The following WDR43 variants were observed in gnomAD, a reference collection of about 807,000 sequenced individuals.
The protein encoded by WDR43 is WD repeat domain 43.
A neutral mutation model predicts 91.4 loss-of-function variants in WDR43; 13 were observed. That is an observed-to-expected ratio of 0.14 (90% CI 0.09 to 0.23). The LOEUF (loss-of-function observed/expected upper bound fraction) is 0.23. Ranked by LOEUF, WDR43 falls within the 10% of genes least tolerant of loss-of-function variation. The probability of loss-of-function intolerance (pLI) is 1.00; values close to 1 mark genes in which losing one functional copy is unlikely to be tolerated. For synonymous variants in WDR43, 331 were observed against 287.9 expected (o/e 1.15, Z -1.51); for missense variants, 780 against 809.4 (o/e 0.96, Z 0.44).
intron 3 of WDR43, among the ~76,000 whole-genome samples, chr2:28,909,821 C>G (rs934582503): frequency 1.3e-5 from 2 of 152,210 alleles, no homozygotes; most frequent in African/African-American, 4.8e-5. Context: ...CTGCAGCAAG[C>G]TGTTACCTTG....
chr2:28,922,797 G>GT (rs70958224), intron 6 of WDR43, 122 bp from the exon 7 acceptor site: 5,514 of 232,970 alleles, frequency 0.024, 100 homozygotes, highest in East Asian at 0.08. Flanking sequence ...TTCTTGCTGT[G>GT]TTTTTTTTTT....
intron 2 of WDR43, among the ~76,000 whole-genome samples, chr2:28,902,892 GTT>G (rs1670602065): frequency 6.6e-6 from 1 of 152,108 alleles, no homozygotes; most frequent in African/African-American, 2.4e-5. Context: ...ATTGCAGTGT[GTT>G]TTTGTTCGCT....
chr2:28,939,836 G>A (rs904692217), intron 14 of WDR43, among the ~76,000 whole-genome samples: 2 of 152,122 alleles, frequency 1.3e-5, no homozygotes, highest in African/African-American at 2.4e-5. Flanking sequence ...GTCTGGGCAC[G>A]GTGGCTCACA....
intron 11 of WDR43, among the ~76,000 whole-genome samples, chr2:28,932,248 C>T (rs370108752): frequency 1.6e-4 from 24 of 152,294 alleles, no homozygotes; most frequent in African/African-American, 5.3e-4. Flanking sequence ...ACTGCAACCT[C>T]TGCCTCCCAG....
At chr2:28,926,416 C>CTTTTTTTTTTTTTTTTTTT in intron 8 of WDR43, 52 bp from the exon 9 acceptor site, 2 of 1,222,470 alleles carry the variant, frequency 1.6e-6, no homozygotes, top group East Asian at 2.8e-5. Flanking sequence ...GTTTGACACT[C>CTTTTTTTTTTTTTTTTTTT]TTTTTTTTTT....
chr2:28,921,545 A>C (rs1169184894), intron 6 of WDR43, among the ~76,000 whole-genome samples: 1 of 152,190 alleles, frequency 6.6e-6, no homozygotes, highest in Non-Finnish European at 1.5e-5. Context: ...AAATTCCAAA[A>C]CAAAACTTTG....
chr2:28,914,554 A>C (rs1303399286), intron 5 of WDR43, among the ~76,000 whole-genome samples: 3 of 152,222 alleles, frequency 2.0e-5, no homozygotes, highest in African/African-American at 7.2e-5. Context: ...GAGGGCATAA[A>C]ATTGCTTGGC....
At chr2:28,914,866 T>C (rs1407745163) in intron 5 of WDR43, among the ~76,000 whole-genome samples, 1 of 152,076 alleles carries the variant, frequency 6.6e-6, no homozygotes, top group Non-Finnish European at 1.5e-5. Context: ...GAGGCGGAGG[T>C]TGCAGTGAGC....
At chr2:28,921,718 T>G (rs1331890546) in intron 6 of WDR43, among the ~76,000 whole-genome samples, 1 of 152,038 alleles carries the variant, frequency 6.6e-6, no homozygotes, top group Non-Finnish European at 1.5e-5. Flanking sequence ...AAACTTTTTC[T>G]TTTTCTTTTT....
intron 14 of WDR43, among the ~76,000 whole-genome samples, chr2:28,938,657 G>A (rs1671380048): frequency 1.3e-5 from 2 of 152,032 alleles, no homozygotes; most frequent in Admixed American, 6.5e-5. Context: ...TCTTTAAAAT[G>A]TAGCTCTTCT....
At chr2:28,922,813 T>TTTTTTGTGGTTGTGTAA in intron 6 of WDR43, 106 bp from the exon 7 acceptor site, 1 of 483,364 alleles carries the variant, frequency 2.1e-6, no homozygotes, top group Non-Finnish European at 3.3e-6. Flanking sequence ...TTTTTTTTTT[T>TTTTTTGTGGTTGTGTAA]TCTGGTTGTG....
At chr2:28,942,778 GC>G (rs1671465405) in intron 16 of WDR43, among the ~76,000 whole-genome samples, 1 of 151,920 alleles carries the variant, frequency 6.6e-6, no homozygotes, top group South Asian at 2.1e-4. Context: ...ACCATGCCCG[GC>G]CAACTTTGGT....
In WDR43 at chr2:28,924,897, A is replaced by G. The variant is rs546566561; in HGVS notation, c.915-85A>G. 5.0e-5 allele frequency: 75 copies of G among 1,510,534 alleles called. 1 individual carries two copies. In the Middle Eastern group the frequency reaches 8.7e-4, roughly 18 times the overall value. 93.6% of individuals were successfully genotyped at this position (1,510,534 alleles called of 1,614,324 possible). On this transcript the variant is annotated intron_variant, in intron 7 of 17. Coordinates refer to ENST00000407426, the MANE Select transcript of WDR43 (RefSeq NM_015131.3). ...AGTATAGAGGCTAGAGGGGGGTCAC[A>G]TTTCGTGACTTGATGTCAGTTCCAG...
At chr2:28,930,798 C>T in intron 11 of WDR43, among the ~76,000 whole-genome samples, 1 of 152,034 alleles carries the variant, frequency 6.6e-6, no homozygotes, top group East Asian at 1.9e-4. Context: ...TACAGTGGAC[C>T]ATCACGAACT....
intron 3 of WDR43, among the ~76,000 whole-genome samples, chr2:28,911,054 A>G (rs905186813): frequency 6.8e-6 from 1 of 146,034 alleles, no homozygotes; most frequent in Non-Finnish European, 1.5e-5. Flanking sequence ...GTTTTATGTA[A>G]TTAAATCAGG....
At chr2:28,939,043 ACT>A (rs1671387814) in intron 14 of WDR43, among the ~76,000 whole-genome samples, 1 of 84,958 alleles carries the variant, frequency 1.2e-5, no homozygotes, top group Non-Finnish European at 2.5e-5. Context: ...ACCTGGGAGC[ACT>A]GGTGAGAGGG....
chr2:28,922,814 T>A (rs1572593573), intron 6 of WDR43, 105 bp from the exon 7 acceptor site: 1 of 472,706 alleles, frequency 2.1e-6, no homozygotes, highest in Admixed American at 4.7e-5. Flanking sequence ...TTTTTTTTTT[T>A]CTGGTTGTGT....
chr2:28,935,761 A>G (rs1671326769), intron 12 of WDR43, 154 bp downstream of exon 12: 2 of 413,740 alleles, frequency 4.8e-6, no homozygotes, highest in East Asian at 7.6e-5. Flanking sequence ...AAAAAAAAAA[A>G]AAAAAAAGTG....
chr2:28,930,365 G>T (rs528569613), intron 11 of WDR43, among the ~76,000 whole-genome samples: 1 of 152,178 alleles, frequency 6.6e-6, no homozygotes, highest in Admixed American at 6.5e-5. Flanking sequence ...TTCGATTCAA[G>T]TACTGCCTGA....
Sources: gnomAD v4.1 joint callset for allele counts (sites outside exome capture counted in the v4.1 genomes callset) on GRCh38, gnomAD v4.1.1 for gene constraint, MANE v1.5 for transcripts, NCBI Gene and HGNC (gene_info 2026-07-23, HGNC 2026-07-21) for gene names.